The following COL25A1 variants were observed in gnomAD, a reference collection of about 807,000 sequenced individuals.
COL25A1 encodes the protein collagen alpha-1(XXV) chain.
A neutral mutation model predicts 128.4 loss-of-function variants in COL25A1; 103 were observed. The observed-to-expected ratio is 0.80, with a 90% CI of 0.68 to 0.94. COL25A1 has a LOEUF of 0.94. COL25A1 is among the 40% of genes least tolerant of loss of function. The pLI is 0.00. For missense variants in COL25A1, 745 were observed against 840.0 expected (o/e 0.89, Z 1.40); for synonymous variants, 279 against 277.2 (o/e 1.01, Z -0.06).
chr4:109,062,603 A>G (rs959497354), intron 3 of COL25A1, among the ~76,000 whole-genome samples: 3 of 148,946 alleles, frequency 2.0e-5, no homozygotes, highest in Admixed American at 6.6e-5. Context: ...TATTCAATAG[A>G]ATACATTTTC....
At chr4:108,979,308 A>G (rs1560964105) in intron 6 of COL25A1, among the ~76,000 whole-genome samples, 5 of 152,234 alleles carry the variant, frequency 3.3e-5, no homozygotes, top group African/African-American at 1.2e-4. Flanking sequence ...TTTCAATTAA[A>G]TGATAAAACC....
chr4:108,974,269 T>C, intron 8 of COL25A1, 98 bp downstream of exon 8: 2 of 1,280,258 alleles, frequency 1.6e-6, no homozygotes, highest in South Asian at 1.2e-5. Flanking sequence ...TACTGAACCA[T>C]GTGGCACAAA....
chr4:109,238,928 G>T (rs1344429141), intron 3 of COL25A1, among the ~76,000 whole-genome samples: 2 of 151,964 alleles, frequency 1.3e-5, no homozygotes, highest in Non-Finnish European at 2.9e-5. Context: ...GCAGACTGGT[G>T]GGGGTAGGAG....
chr4:108,882,067 T>C (rs1740192926), intron 19 of COL25A1, among the ~76,000 whole-genome samples: 1 of 152,100 alleles, frequency 6.6e-6, no homozygotes, highest in African/African-American at 2.4e-5. Context: ...ATCTGGCCAT[T>C]TCCTAAGACC....
intron 3 of COL25A1, among the ~76,000 whole-genome samples, chr4:109,122,765 C>A (rs77813546): frequency 0.029 from 4,477 of 151,926 alleles, 211 homozygotes; most frequent in African/African-American, 0.1. Context: ...TGGATATAAC[C>A]AAAAGTATAT....
chr4:109,063,316 A>C (rs1424013887), intron 3 of COL25A1, among the ~76,000 whole-genome samples: 1 of 152,156 alleles, frequency 6.6e-6, no homozygotes, highest in Non-Finnish European at 1.5e-5. Context: ...CAGCCTGACC[A>C]ACATGATAAA....
chr4:109,013,914 CAT>C (rs1481735913), intron 5 of COL25A1, among the ~76,000 whole-genome samples: 32 of 152,186 alleles, frequency 2.1e-4, no homozygotes, highest in African/African-American at 6.3e-4. Flanking sequence ...AAATTACAAA[CAT>C]GTGGTCACTC....
intron 3 of COL25A1, among the ~76,000 whole-genome samples, chr4:109,292,654 C>T (rs1008919505): frequency 3.3e-5 from 5 of 151,908 alleles, no homozygotes; most frequent in East Asian, 3.9e-4. Flanking sequence ...TTGGAGAGCC[C>T]GTAAGTGACA....
At chr4:108,818,311 A>G (rs1963939) in intron 36 of COL25A1, among the ~76,000 whole-genome samples, 74,490 of 151,558 alleles carry the variant, frequency 0.49, 19,165 homozygotes, top group Middle Eastern at 0.64. Context: ...TATAAATACA[A>G]TCTCTTAAAG....
At chr4:108,990,004 G>T (rs2126010748) in intron 6 of COL25A1, among the ~76,000 whole-genome samples, 1 of 151,658 alleles carries the variant, frequency 6.6e-6, no homozygotes, top group South Asian at 2.1e-4. Context: ...CTTGGGGTCA[G>T]GAGTTTGAGA....
rs116719513 is a variant in COL25A1, at chr4:109,085,040, G to C, written c.368-34861C>G. 2.5e-3 allele frequency among the ~76,000 whole-genome samples: 387 copies of C among 152,192 alleles called. 2 individuals are homozygous for C. The highest frequency in any genetic ancestry group is 5.4e-3 in the Admixed American group (83 of 15,286). ...GTCCAGATGTCATAGCAGAATTTGG[G>C]ACTTCTCCTCCTTTTGGTTTCTGTG... is the stretch of plus-strand genomic sequence containing the variant. On this transcript the variant is annotated intron_variant, in intron 3 of 37. Transcript: ENST00000399132.
chr4:108,944,146 G>A (rs1010577888), intron 8 of COL25A1, among the ~76,000 whole-genome samples: 6 of 152,146 alleles, frequency 3.9e-5, no homozygotes, highest in Admixed American at 1.3e-4. Flanking sequence ...AAGCAAAACA[G>A]AGAAAATCTT....
At chr4:109,284,787 T>G (rs1723712501) in intron 3 of COL25A1, among the ~76,000 whole-genome samples, 1 of 151,302 alleles carries the variant, frequency 6.6e-6, no homozygotes, top group Non-Finnish European at 1.5e-5. Context: ...AGGTAAGTAT[T>G]TAATAAAAAT....
rs555724263 is a variant in COL25A1, at chr4:109,004,403, T to G, written c.438+5955A>C. Among the ~76,000 whole-genome samples, 63 of 74,082 alleles carry G rather than the reference T, an allele frequency of 8.5e-4. 1 individual carries two copies. Among genetic ancestry groups the G allele is most frequent in the South Asian group, 1.7e-3 (4 of 2,384 alleles). The allele number at this position is 74,082 out of a possible 152,430, so 48.6% of individuals were successfully genotyped here. On this transcript the variant is annotated intron_variant, in intron 6 of 37. Coordinates refer to ENST00000399132, the MANE Select transcript of COL25A1 (RefSeq NM_198721.4). ...TATAGAAGTAGAATTGAGGTTTGTG[T>G]TTTTTTTTTTTAACTCTCTAAGGAG... is the stretch of plus-strand genomic sequence containing the variant.
Position 108,904,450 on chromosome 4 carries a change from G to A in COL25A1, c.781-3278C>T, listed in dbSNP as rs567143094. The stretch of plus-strand genomic sequence containing the variant: ...GAAAACAACAAGAAGTCTTGCTGAG[G>A]AATAAAGCATACATCTTATATTGTA... On this transcript the variant is annotated intron_variant, in intron 13 of 37. Transcript: ENST00000399132. 1.4e-3 allele frequency among the ~76,000 whole-genome samples: 219 copies of A among 152,112 alleles called. 1 individual carries two copies. The highest frequency in any genetic ancestry group is 3.3e-3 in the Admixed American group (51 of 15,276).
At chr4:109,163,642 G>A (rs1245218600) in intron 3 of COL25A1, among the ~76,000 whole-genome samples, 1 of 152,166 alleles carries the variant, frequency 6.6e-6, no homozygotes, top group East Asian at 1.9e-4. Context: ...TGATGAATGA[G>A]GTTTTACTTC....
intron 15 of COL25A1, among the ~76,000 whole-genome samples, chr4:108,898,301 A>AT (rs1162691673): frequency 6.6e-6 from 1 of 152,128 alleles, no homozygotes; most frequent in Non-Finnish European, 1.5e-5. Context: ...ATGTTGAAAA[A>AT]TACAGTTATA....
intron 5 of COL25A1, among the ~76,000 whole-genome samples, chr4:109,021,202 GAGA>G (rs1051528818): frequency 9.2e-5 from 14 of 152,186 alleles, no homozygotes; most frequent in African/African-American, 3.4e-4. Flanking sequence ...TGTTTCTGGT[GAGA>G]AGAAGAGGAA....
Position 108,920,595 on chromosome 4 carries a change from C to A in COL25A1, c.718G>T (p.Gly240Trp), listed in dbSNP as rs1296787744. 1 of 1,602,688 alleles carries A rather than the reference C, an allele frequency of 6.2e-7. No individual in the cohort carries two copies. Residue 240 changes from glycine to tryptophan, a missense_variant, in exon 12 of 38, where the codon GGG (glycine) becomes TGG (tryptophan). This residue lies in a region of COL25A1 where 319 missense variants were observed against 324.9 expected (regional missense o/e 0.98). Coordinates refer to ENST00000399132, the MANE Select transcript of COL25A1 (RefSeq NM_198721.4). Reference sequence around the variant, plus strand: ...TACTCTACCTTTTGTCCCGGAGGCCCTAGAGGACCCTAAAAAAGAAAAACG... The same window carrying A: ...TACTCTACCTTTTGTCCCGGAGGCCATAGAGGACCCTAAAAAAGAAAAACG... Reference protein sequence around the residue: ...PGEQGLMGPLGPPGQKGSIGA... With the variant: ...PGEQGLMGPLWPPGQKGSIGA...
Sources: gnomAD v4.1 joint callset for allele counts (sites outside exome capture counted in the v4.1 genomes callset) on GRCh38, gnomAD v4.1.1 for gene constraint, gnomAD v4.1.1 regional missense constraint, MANE v1.5 for transcripts, NCBI Gene and HGNC (gene_info 2026-07-23, HGNC 2026-07-21) for gene names.